CEMIP2: variants seen among roughly 807,000 people sequenced by gnomAD.
CEMIP2 encodes the protein cell surface hyaluronidase CEMIP2.
CEMIP2 carries 79 observed loss-of-function variants against 146.9 expected under a neutral mutation model. That is an observed-to-expected ratio of 0.54 (90% CI 0.45 to 0.65). CEMIP2 has a LOEUF of 0.65. CEMIP2 is among the 30% of genes least tolerant of loss of function. The probability of loss-of-function intolerance (pLI) is 0.00; values close to 1 mark genes in which losing one functional copy is unlikely to be tolerated. For synonymous variants in CEMIP2, 601 were observed against 606.3 expected (o/e 0.99, Z 0.13); for missense variants, 1,596 against 1,696.2 (o/e 0.94, Z 1.04).
At chr9:71,730,615 A>G in intron 8 of CEMIP2, 90 bp downstream of exon 8, 5 of 1,350,068 alleles carry the variant, frequency 3.7e-6, no homozygotes, top group Non-Finnish European at 5.1e-6. Flanking sequence ...GTGGCTAAAC[A>G]GTTTACATAT....
intron 7 of CEMIP2, among the ~76,000 whole-genome samples, chr9:71,731,637 T>G (rs78623040): frequency 0.045 from 6,828 of 150,784 alleles, 247 homozygotes; most frequent in Non-Finnish European, 0.067. Flanking sequence ...GGGGCTGAGG[T>G]GGGAGGATCA....
chr9:71,708,176 A>T (rs1326065231), intron 17 of CEMIP2, among the ~76,000 whole-genome samples: 2 of 152,162 alleles, frequency 1.3e-5, no homozygotes, highest in East Asian at 3.9e-4. Context: ...ACAGAGCAAG[A>T]CTCCGTCTCA....
chr9:71,698,290 G>A lies in CEMIP2; in HGVS notation c.3378-86C>T, dbSNP rs1219565879. ...CTCAAATCAGCTCATGGCCAAAAGG[G>A]ATATTCCTCCAATTAGTAACTTTTC... On this transcript the variant is annotated intron_variant, in intron 19 of 23. Coordinates refer to ENST00000377044, the MANE Select transcript of CEMIP2 (RefSeq NM_013390.3). 8 of 1,084,798 alleles carry A rather than the reference G, an allele frequency of 7.4e-6. No homozygotes were observed. In the Admixed American group the frequency reaches 1.5e-4, roughly 21 times the overall value. The allele number at this position is 1,084,798 out of a possible 1,614,324, so 67.2% of individuals were successfully genotyped here.
intron 12 of CEMIP2, among the ~76,000 whole-genome samples, chr9:71,721,039 T>C (rs1823217628): frequency 6.6e-6 from 1 of 152,094 alleles, no homozygotes; most frequent in African/African-American, 2.4e-5. Context: ...TTCATATATA[T>C]ACACACATAT....
intron 1 of CEMIP2, among the ~76,000 whole-genome samples, chr9:71,751,748 T>C (rs1204237712): frequency 1.3e-5 from 2 of 152,198 alleles, no homozygotes; most frequent in Non-Finnish European, 2.9e-5. Flanking sequence ...AGTCCATGTG[T>C]CATGAGGACC....
chr9:71,767,264 G>A (rs1455149233), intron 1 of CEMIP2, among the ~76,000 whole-genome samples: 3 of 152,116 alleles, frequency 2.0e-5, no homozygotes, highest in African/African-American at 4.8e-5. Context: ...GCCTCCCTCA[G>A]CTCAGGTGAA....
chr9:71,740,174 C>A lies in CEMIP2; in HGVS notation c.1093G>T (p.Val365Leu), dbSNP rs764631649. 3 of 1,613,872 alleles carry A rather than the reference C, an allele frequency of 1.9e-6. No homozygotes were observed. The South Asian group carries it at 3.3e-5, about 18-fold the overall frequency. The change falls in exon 5 of 24, where the codon GTG becomes TTG. Residue 365 changes from valine (V) to leucine (L), a missense_variant. Val to Leu is a conservative substitution (Grantham distance 32). Transcript: ENST00000377044. ...DGGSTSCNES[V>L]RNYENHSSGG... Reference sequence around the variant, plus strand: ...CTGCTATGATTTTCATAGTTTCTCACGGATTCATTGCAAGAAGTGCTTCCA... The same window carrying A: ...CTGCTATGATTTTCATAGTTTCTCAAGGATTCATTGCAAGAAGTGCTTCCA...
intron 4 of CEMIP2, among the ~76,000 whole-genome samples, chr9:71,743,650 T>C (rs1010339933): frequency 6.6e-6 from 1 of 152,194 alleles, no homozygotes; most frequent in Non-Finnish European, 1.5e-5. Context: ...TGTCTCACTG[T>C]ATGATCATCA....
At chr9:71,712,284 T>G (rs1395637885) in intron 15 of CEMIP2, 24 bp from the exon 16 acceptor site, 1 of 1,611,290 alleles carries the variant, frequency 6.2e-7, no homozygotes. Context: ...AGATTTTGTT[T>G]AATGCATATG....
intron 3 of CEMIP2, 35 bp downstream of exon 3, chr9:71,746,166 C>T (rs757819966): frequency 8.1e-6 from 13 of 1,602,312 alleles, no homozygotes; most frequent in Non-Finnish European, 1.0e-5. Flanking sequence ...TAAAGAGCAA[C>T]CTTGCAGTTC....
chr9:71,750,042 C>A lies in CEMIP2; in HGVS notation c.331+1G>T, dbSNP rs745979653. The A allele has an allele frequency of 1.9e-6, 3 of 1,592,664 alleles. No individual in the cohort carries two copies. The highest frequency in any genetic ancestry group is 1.7e-6 in the Non-Finnish European group (2 of 1,169,182). ...TTCTATGTGCATATACACACACTTA[C>A]CATCTGGAGCATATTTTGAGGATAT... On this transcript the variant is annotated splice_donor_variant, in intron 2 of 23. Transcript: ENST00000377044. LOFTEE classifies it high-confidence loss of function.
At chr9:71,728,896 A>G (rs899146225) in intron 10 of CEMIP2, among the ~76,000 whole-genome samples, 17 of 151,568 alleles carry the variant, frequency 1.1e-4, no homozygotes, top group Admixed American at 9.2e-4. Context: ...CAGTGGCGCA[A>G]TCTTGGCTCA....
At position 71,712,049 on chromosome 9, in the gene CEMIP2, T is replaced by C. The variant is rs755151490; in HGVS notation, c.2769+34A>G. ...TGTGCTATCCCTCCTTTTTTCACCA[T>C]AGTCACTACGTAAGAACTACAGAAC... On this transcript the variant is annotated intron_variant, in intron 16 of 23. Transcript: ENST00000377044. 4 of 1,600,972 alleles carry C rather than the reference T, an allele frequency of 2.5e-6. No homozygotes were observed. The Admixed American group carries it at 5.1e-5, about 21-fold the overall frequency.
rs1227148187 is a variant in CEMIP2, at chr9:71,714,952, C to T, written c.2573G>A (p.Arg858Gln). 9 of 1,613,414 alleles carry T rather than the reference C, an allele frequency of 5.6e-6. No individual in the cohort carries two copies. Among genetic ancestry groups the T allele is most frequent in the Non-Finnish European group, 6.8e-6 (8 of 1,179,810 alleles). The change falls in exon 15 of 24, where the codon CGA (arginine) becomes CAA (glutamine). Residue 858 changes from arginine (R) to glutamine (Q), a missense_variant. By Grantham distance (43) the Arg-to-Gln change is conservative. Transcript: ENST00000377044. ...TGCTTACCTGTTCCTGGGTAATGTT[C>T]GAGGCTTCTGGTCTATTCCTCCAGT... The part of the protein sequence containing the change: ...VGTGGIDQKP[R>Q]TLPRNRTFPI...
chr9:71,758,608 A>G (rs1336965258), intron 1 of CEMIP2, among the ~76,000 whole-genome samples: 2 of 152,258 alleles, frequency 1.3e-5, no homozygotes, highest in Admixed American at 1.3e-4. Flanking sequence ...CTGAGAGGAG[A>G]GACGGCAAAT....
chr9:71,725,400 C>T (rs1157465125), intron 11 of CEMIP2, among the ~76,000 whole-genome samples, 181 bp downstream of exon 11: 2 of 152,096 alleles, frequency 1.3e-5, no homozygotes, highest in Admixed American at 6.5e-5. Context: ...AAATGCTGTC[C>T]CCTTGATCTT....
At chr9:71,763,363 A>G (rs1824696174) in intron 1 of CEMIP2, among the ~76,000 whole-genome samples, 1 of 152,180 alleles carries the variant, frequency 6.6e-6, no homozygotes, top group Non-Finnish European at 1.5e-5. Context: ...CCTGACCACG[A>G]TATCAAATTT....
At chr9:71,693,680 T>C (rs962554918) in intron 21 of CEMIP2, among the ~76,000 whole-genome samples, 2 of 152,252 alleles carry the variant, frequency 1.3e-5, no homozygotes, top group African/African-American at 4.8e-5. Flanking sequence ...CTCTATTGTA[T>C]TGCTTGCTAC....
intron 10 of CEMIP2, among the ~76,000 whole-genome samples, chr9:71,726,356 T>G (rs1378107293): frequency 6.6e-6 from 1 of 152,224 alleles, no homozygotes; most frequent in Non-Finnish European, 1.5e-5. Flanking sequence ...AAATAAATGT[T>G]AATTCCCATG....
Sources: gnomAD v4.1 joint callset for allele counts (sites outside exome capture counted in the v4.1 genomes callset) on GRCh38, gnomAD v4.1.1 for gene constraint, MANE v1.5 for transcripts, NCBI Gene and HGNC (gene_info 2026-07-23, HGNC 2026-07-21) for gene names.